POTEF: variants seen among roughly 807,000 people sequenced by gnomAD.
POTEF encodes the protein ANKRD26-like family C member 1B.
A neutral mutation model predicts 83.2 loss-of-function variants in POTEF; 20 were observed. That is an observed-to-expected ratio of 0.24 (90% CI 0.17 to 0.35). The LOEUF (loss-of-function observed/expected upper bound fraction) is 0.35, where lower values mean the gene tolerates loss of function less well. Among genes scored for constraint, POTEF ranks in the 10% least tolerant of loss-of-function variants. The pLI, the probability that POTEF is intolerant of heterozygous loss-of-function variation, is 1.00. For synonymous variants in POTEF, 196 were observed against 446.4 expected (o/e 0.44, Z 7.07); for missense variants, 550 against 1,203.2 (o/e 0.46, Z 8.03).
intron 3 of POTEF, among the ~76,000 whole-genome samples, chr2:130,119,759 T>C (rs1449375685): frequency 1.4e-5 from 2 of 142,832 alleles, no homozygotes; most frequent in Non-Finnish European, 3.0e-5. Context: ...TAAATCACTT[T>C]AAAACAGTCT....
At chr2:130,122,832 A>G (rs10179679) in intron 2 of POTEF, among the ~76,000 whole-genome samples, 2,212 of 151,928 alleles carry the variant, frequency 0.015, 84 homozygotes, top group African/African-American at 0.051. Flanking sequence ...TTTTTCAGAT[A>G]ACAGTTTGTC....
chr2:130,075,880 T>TAA (rs199819951), intron 16 of POTEF, among the ~76,000 whole-genome samples: 5 of 151,068 alleles, frequency 3.3e-5, no homozygotes, highest in African/African-American at 1.2e-4. Flanking sequence ...ATCCCAGAAT[T>TAA]AAAAAAAGCC....
intron 15 of POTEF, among the ~76,000 whole-genome samples, chr2:130,083,284 A>G (rs1264639932): frequency 6.6e-6 from 1 of 152,062 alleles, no homozygotes; most frequent in Non-Finnish European, 1.5e-5. Context: ...GCAATGAGCC[A>G]AGATCATGCC....
Position 130,120,364 on chromosome 2 carries a change from T to A in POTEF, c.152A>T (p.Asp51Val), listed in dbSNP as rs778104832. The A allele has an allele frequency of 1.3e-6, 2 of 1,597,082 alleles. No individual in the cohort carries two copies. The highest frequency in any genetic ancestry group is 2.2e-5 in the South Asian group (2 of 90,734). The change falls in exon 3 of 17, where the codon GAC becomes GTC. Residue 51 changes from aspartate to valine, a missense_variant. Coordinates refer to ENST00000409914, the MANE Select transcript of POTEF (RefSeq NM_001099771.2). ...SNVGTSGDHD[D>V]SAMKTLRSKM... ...GCTCCTGAGTGTCTTCATAGCAGAG[T>A]CGTCGTGGTCTCCAGAAGTGCCCAC... is the stretch of plus-strand genomic sequence containing the variant.
chr2:130,115,151 C>T (rs1339402620), intron 4 of POTEF, 63 bp downstream of exon 4: 4 of 1,612,052 alleles, frequency 2.5e-6, no homozygotes, highest in East Asian at 2.2e-5. Flanking sequence ...GGAGAAAACT[C>T]ATTTTTATGC....
At chr2:130,103,985 C>G (rs912763892) in intron 8 of POTEF, among the ~76,000 whole-genome samples, 1 of 139,510 alleles carries the variant, frequency 7.2e-6, no homozygotes, top group Non-Finnish European at 1.5e-5. Context: ...TTTTAAGATG[C>G]CTGGACATTA....
At chr2:130,107,780 C>G in intron 8 of POTEF, 1 of 486,334 alleles carries the variant, frequency 2.1e-6, no homozygotes, top group Non-Finnish European at 3.6e-6. Context: ...AAAATAAGTT[C>G]AGAGCTTCCA....
At chr2:130,117,776 T>C (rs1684878876) in intron 3 of POTEF, among the ~76,000 whole-genome samples, 1 of 152,048 alleles carries the variant, frequency 6.6e-6, no homozygotes, top group Non-Finnish European at 1.5e-5. Context: ...TTCAGTATAA[T>C]GGAATTGATG....
intron 2 of POTEF, among the ~76,000 whole-genome samples, chr2:130,126,252 G>A (rs1229903019): frequency 1.0e-4 from 13 of 130,062 alleles, no homozygotes; most frequent in African/African-American, 1.5e-4. Flanking sequence ...GCAGTGAGCC[G>A]AGATCGCCCC....
At chr2:130,122,682 ATT>A (rs1685024291) in intron 2 of POTEF, among the ~76,000 whole-genome samples, 1 of 151,442 alleles carries the variant, frequency 6.6e-6, no homozygotes, top group South Asian at 2.1e-4. Context: ...GACTTTTTCT[ATT>A]TGTCACTTTC....
At chr2:130,127,061 C>T (rs1179961572) in intron 2 of POTEF, among the ~76,000 whole-genome samples, 1 of 151,914 alleles carries the variant, frequency 6.6e-6, no homozygotes, top group Non-Finnish European at 1.5e-5. Context: ...GTGGCTCACG[C>T]CTATAATCCT....
In POTEF at chr2:130,075,119, T is replaced by A; in HGVS notation, c.2353A>T (p.Ile785Phe). Residue 785 changes from isoleucine (I) to phenylalanine (F), a missense_variant, in exon 17 of 17, where the codon ATC (isoleucine) becomes TTC (phenylalanine). Physicochemically the swap from Ile to Phe is conservative, Grantham distance 21. Coordinates refer to ENST00000409914, the MANE Select transcript of POTEF (RefSeq NM_001099771.2). Reference sequence around the variant, plus strand: ...TCGTTGTAGAAGGTGTGGTGCCAGATCTTCTCCATGTCATCCCAGTTGGTG... The same window carrying A: ...TCGTTGTAGAAGGTGTGGTGCCAGAACTTCTCCATGTCATCCCAGTTGGTG... The part of the protein sequence containing the change: ...IITNWDDMEK[I>F]WHHTFYNELR... 1 of 1,613,658 alleles carries A rather than the reference T, an allele frequency of 6.2e-7. No individual in the cohort carries two copies.
At chr2:130,122,568 C>T (rs1366739194) in intron 2 of POTEF, among the ~76,000 whole-genome samples, 2 of 148,608 alleles carry the variant, frequency 1.3e-5, no homozygotes, top group Non-Finnish European at 3.0e-5. Context: ...TTTTCTATTT[C>T]TGTGAAGAAT....
intron 8 of POTEF, among the ~76,000 whole-genome samples, chr2:130,103,102 CTTTTTT>C (rs60152509): frequency 1.3e-4 from 17 of 126,420 alleles, no homozygotes; most frequent in Non-Finnish European, 1.8e-4. Context: ...TTCTTTCTTT[CTTTTTT>C]TTTTTTTTTT....
intron 3 of POTEF, among the ~76,000 whole-genome samples, chr2:130,116,177 G>A (rs1312138314): frequency 1.3e-5 from 2 of 151,684 alleles, no homozygotes; most frequent in Non-Finnish European, 2.9e-5. Flanking sequence ...TAAACTTTAA[G>A]CCAAAGAAAA....
intron 8 of POTEF, among the ~76,000 whole-genome samples, chr2:130,102,845 G>C (rs1348991049): frequency 6.6e-6 from 1 of 151,572 alleles, no homozygotes; most frequent in Non-Finnish European, 1.5e-5. Context: ...CTGTAAGCTT[G>C]CCTACATAAG....
chr2:130,089,909 AT>A (rs1370147581), intron 12 of POTEF, among the ~76,000 whole-genome samples: 1 of 45,570 alleles, frequency 2.2e-5, no homozygotes. Flanking sequence ...ATACTATCCC[AT>A]TACAAAAAAA....
At chr2:130,115,560 T>C (rs1230674924) in intron 3 of POTEF, among the ~76,000 whole-genome samples, 1 of 152,120 alleles carries the variant, frequency 6.6e-6, no homozygotes, top group Non-Finnish European at 1.5e-5. Context: ...ACATTCAACG[T>C]GGGCTGGAAT....
chr2:130,075,287 C>G lies in POTEF; in HGVS notation c.2185G>C (p.Ala729Pro), dbSNP rs1285640721. The G allele has an allele frequency of 6.2e-7, 1 of 1,612,632 alleles. No homozygotes were observed. The highest frequency in any genetic ancestry group is 8.5e-7 in the Non-Finnish European group (1 of 1,179,852). ...AGFAGDDAPR[A>P]VFPSIVGRPR... ...CGCCCCACGATGGAAGGGAAGACAGCCCGGGGGGCATCGTCGCCCGCAAAG... is the reference window on the plus strand; with the variant it reads ...CGCCCCACGATGGAAGGGAAGACAGGCCGGGGGGCATCGTCGCCCGCAAAG... The change falls in exon 17 of 17, where the codon GCT (alanine) becomes CCT (proline). Residue 729 changes from alanine to proline, a missense_variant. Transcript: ENST00000409914.
Sources: gnomAD v4.1 joint callset for allele counts (sites outside exome capture counted in the v4.1 genomes callset) on GRCh38, gnomAD v4.1.1 for gene constraint, MANE v1.5 for transcripts, NCBI Gene and HGNC (gene_info 2026-07-23, HGNC 2026-07-21) for gene names.